The following PHKB variants were observed in gnomAD, a reference collection of about 807,000 sequenced individuals.
The protein encoded by PHKB is phosphorylase b kinase regulatory subunit beta.
In PHKB, 122 loss-of-function variants were observed where a neutral mutation model predicts 152.1. That is an observed-to-expected ratio of 0.80 (90% CI 0.69 to 0.93). PHKB has a LOEUF of 0.93. PHKB is among the 40% of genes least tolerant of loss of function. The probability of loss-of-function intolerance (pLI) is 0.00; values close to 1 mark genes in which losing one functional copy is unlikely to be tolerated. For synonymous variants in PHKB, 436 were observed against 464.9 expected (o/e 0.94, Z 0.80); for missense variants, 1,304 against 1,328.4 (o/e 0.98, Z 0.29).
chr16:47,506,231 ACAAG>A lies in PHKB; in HGVS notation c.405+3142_405+3145del, dbSNP rs1970416826. 1.3e-4 allele frequency among the ~76,000 whole-genome samples: 19 copies of A among 151,900 alleles called. No individual in the cohort carries two copies. The South Asian group carries it at 3.9e-3, about 32-fold the overall frequency. ...AAAAAAAATAATAAAAAGAGTGATA[ACAAG>A]TCTTCTTCTTCAGGCCTGTAATTCA... On this transcript the variant is annotated intron_variant, in intron 4 of 30. Coordinates refer to ENST00000323584, the MANE Select transcript of PHKB (RefSeq NM_000293.3).
chr16:47,467,186 C>G lies in PHKB; in HGVS notation c.76+5760C>G, dbSNP rs570448026. 2.6e-5 allele frequency among the ~76,000 whole-genome samples: 4 copies of G among 152,248 alleles called. No individual in the cohort carries two copies. The South Asian group carries it at 8.3e-4, about 32-fold the overall frequency. ...GCTGATGTGTATTAAAGACTAATGACTTATATACAACAAATATGATTTCTT... is the reference window on the plus strand; with the variant it reads ...GCTGATGTGTATTAAAGACTAATGAGTTATATACAACAAATATGATTTCTT... On this transcript the variant is annotated intron_variant, in intron 1 of 30. Transcript: ENST00000323584.
At chr16:47,534,699 A>C (rs1191023494) in intron 6 of PHKB, among the ~76,000 whole-genome samples, 1 of 152,214 alleles carries the variant, frequency 6.6e-6, no homozygotes, top group Admixed American at 6.5e-5. Flanking sequence ...TAACATTACA[A>C]AGTAGGAGCT....
intron 20 of PHKB, among the ~76,000 whole-genome samples, chr16:47,660,284 C>G (rs1275759457): frequency 6.6e-6 from 1 of 152,102 alleles, no homozygotes; most frequent in Non-Finnish European, 1.5e-5. Context: ...TATAATGACT[C>G]ATAAACTTGT....
At chr16:47,479,443 C>A (rs1197476646) in intron 1 of PHKB, among the ~76,000 whole-genome samples, 2 of 152,032 alleles carry the variant, frequency 1.3e-5, no homozygotes, top group Non-Finnish European at 2.9e-5. Context: ...CTTCTTCCCT[C>A]CCCTCTTCTC....
intron 18 of PHKB, 143 bp from the exon 19 acceptor site, chr16:47,650,401 C>T (rs557114584): frequency 1.5e-6 from 1 of 684,460 alleles, no homozygotes; most frequent in East Asian, 2.7e-5. Context: ...TACTTCTACC[C>T]CTAAGTAGTC....
intron 6 of PHKB, among the ~76,000 whole-genome samples, chr16:47,517,950 G>A (rs1970625431): frequency 6.6e-6 from 1 of 152,092 alleles, no homozygotes; most frequent in Admixed American, 6.6e-5. Context: ...ATATGGAGAG[G>A]CAGTAAATGG....
intron 7 of PHKB, among the ~76,000 whole-genome samples, chr16:47,550,881 C>G (rs1971258907): frequency 6.6e-6 from 1 of 152,260 alleles, no homozygotes; most frequent in East Asian, 1.9e-4. Context: ...TTAATTACTG[C>G]CTCAATTTCA....
chr16:47,635,527 G>T (rs1237097897), intron 14 of PHKB, among the ~76,000 whole-genome samples: 2 of 152,108 alleles, frequency 1.3e-5, no homozygotes, highest in African/African-American at 4.8e-5. Context: ...CATAATATGG[G>T]GTCTTATAGA....
rs565892833 is a variant in PHKB at position 47,673,758 on chromosome 16, T to C, written c.2630+4341T>C. Among the ~76,000 whole-genome samples, 196 of 152,320 alleles carry C rather than the reference T, an allele frequency of 1.3e-3. 1 individual carries two copies. Among genetic ancestry groups the C allele is most frequent in the Middle Eastern group, 3.4e-3 (1 of 294 alleles). On this transcript the variant is annotated intron_variant, in intron 26 of 30. Coordinates refer to ENST00000323584, the MANE Select transcript of PHKB (RefSeq NM_000293.3). ...ACAAATATTATTCATTGAATATCTG[T>C]TATATGCTAAGCAATGAATAATAGA...
At position 47,514,227 on chromosome 16, in the gene PHKB, G is replaced by A. The variant is rs74362799; in HGVS notation, c.514-1294G>A. ...GAGGAGAGAGGGACAGAGGGAGGGAGGGAGGGAAGGAGAGGTTGGAGGAAT... is the reference window on the plus strand; with the variant it reads ...GAGGAGAGAGGGACAGAGGGAGGGAAGGAGGGAAGGAGAGGTTGGAGGAAT... On this transcript the variant is annotated intron_variant, in intron 5 of 30. Coordinates refer to ENST00000323584, the MANE Select transcript of PHKB (RefSeq NM_000293.3). Among the ~76,000 whole-genome samples the A allele has an allele frequency of 8.6e-3, 1,303 of 152,250 alleles. 20 individuals are homozygous for A. Among genetic ancestry groups the A allele is most frequent in the African/African-American group, 0.029 (1,221 of 41,552 alleles).
At chr16:47,556,477 A>G (rs1971372051) in intron 7 of PHKB, among the ~76,000 whole-genome samples, 1 of 152,176 alleles carries the variant, frequency 6.6e-6, no homozygotes, top group African/African-American at 2.4e-5. Flanking sequence ...TTTTAGCATG[A>G]AGCGTTGTTG....
intron 6 of PHKB, among the ~76,000 whole-genome samples, chr16:47,546,396 C>A (rs896838065): frequency 6.6e-5 from 10 of 152,178 alleles, no homozygotes; most frequent in African/African-American, 2.4e-4. Flanking sequence ...GACCCTGTTT[C>A]CCTGGGTATC....
intron 14 of PHKB, among the ~76,000 whole-genome samples, chr16:47,635,781 G>A (rs1291489210): frequency 3.3e-5 from 5 of 152,236 alleles, no homozygotes; most frequent in Admixed American, 6.5e-5. Context: ...TTCTAGCTCC[G>A]CTAGGTCTGT....
intron 16 of PHKB, among the ~76,000 whole-genome samples, chr16:47,646,902 T>C (rs1008085578): frequency 8.5e-5 from 13 of 152,192 alleles, no homozygotes; most frequent in African/African-American, 2.4e-4. Flanking sequence ...GGGAGCTATC[T>C]TTATCAGGAG....
intron 2 of PHKB, among the ~76,000 whole-genome samples, chr16:47,498,061 A>G (rs970383268): frequency 1.3e-5 from 2 of 152,148 alleles, no homozygotes; most frequent in African/African-American, 4.8e-5. Flanking sequence ...TAGAATGCAT[A>G]TTAATCTTTT....
chr16:47,579,357 G>A (rs928036379), intron 7 of PHKB, among the ~76,000 whole-genome samples: 1 of 152,114 alleles, frequency 6.6e-6, no homozygotes, highest in Non-Finnish European at 1.5e-5. Context: ...ACACCTGGAA[G>A]GCTTTTTAAC....
intron 1 of PHKB, among the ~76,000 whole-genome samples, chr16:47,484,990 A>G (rs1184158883): frequency 6.6e-6 from 1 of 152,204 alleles, no homozygotes; most frequent in African/African-American, 2.4e-5. Flanking sequence ...TTAGTTATCT[A>G]TATATGCATG....
chr16:47,548,082 G>A (rs908538174), intron 7 of PHKB: 2 of 157,680 alleles, frequency 1.3e-5, no homozygotes, highest in African/African-American at 4.8e-5. Context: ...AACAATAGCT[G>A]ATAACTGATG....
Position 47,701,046 on chromosome 16 carries a change from A to G in PHKB, c.*1680A>G, listed in dbSNP as rs1048936849. 3 of 152,234 alleles carry G rather than the reference A, an allele frequency of 2.0e-5. No individual in the cohort carries two copies. Among genetic ancestry groups the G allele is most frequent in the African/African-American group, 7.2e-5 (3 of 41,464 alleles). The allele number at this position is 152,234 out of a possible 1,614,324, so 9.4% of individuals were successfully genotyped here. ...ATAGAATTAAACTACTTGACTCAAT[A>G]TGTTAAGAGAGTTTATGAAAAGATA... On this transcript the variant is annotated 3_prime_UTR_variant, in exon 31 of 31. Transcript: ENST00000323584.
Sources: allele counts gnomAD v4.1 joint callset (sites outside exome capture counted in the v4.1 genomes callset), GRCh38; gene constraint gnomAD v4.1.1; transcripts MANE v1.5; gene names NCBI Gene and HGNC (gene_info 2026-07-23, HGNC 2026-07-21).